The following FBLN7 variants were observed in gnomAD, a reference collection of about 807,000 sequenced individuals.
FBLN7 encodes the protein fibulin 7.
A neutral mutation model predicts 44.0 loss-of-function variants in FBLN7; 31 were observed. The ratio of observed to expected loss-of-function variants is 0.70; its 90% CI spans 0.53 to 0.95. The LOEUF (loss-of-function observed/expected upper bound fraction) is 0.95. Ranked by LOEUF, FBLN7 falls within the 40% of genes least tolerant of loss-of-function variation. The pLI is 0.00. For missense variants in FBLN7, 573 were observed against 618.5 expected, an observed-to-expected ratio of 0.93 and a Z score of 0.78; for synonymous variants, 262 against 253.4, an observed-to-expected ratio of 1.03 and a Z score of -0.32.
the FBLN7 span, among the ~76,000 whole-genome samples, chr2:112,237,141 T>C: frequency 6.6e-6 from 1 of 152,190 alleles, no homozygotes; most frequent in African/African-American, 2.4e-5. Context: ...ACTGGCATGA[T>C]AGTGATCAGT....
the FBLN7 span, among the ~76,000 whole-genome samples, chr2:112,238,938 T>C: frequency 1.3e-5 from 2 of 152,244 alleles, no homozygotes; most frequent in African/African-American, 2.4e-5. Context: ...CAATAATTTA[T>C]CATTTTGTAA....
chr2:112,192,850 C>T (rs765980385), downstream of FBLN7, among the ~76,000 whole-genome samples: 2 of 152,134 alleles, frequency 1.3e-5, no homozygotes, highest in Non-Finnish European at 2.9e-5. Context: ...ATGTCTAGTG[C>T]GTTCCAGGCA....
intron 1 of FBLN7, chr2:112,152,102 G>A (rs1681186833): frequency 6.6e-6 from 1 of 152,258 alleles, no homozygotes. Context: ...GAGGATGAAT[G>A]AGGCAGGACT....
chr2:112,172,627 CTT>C (rs35062438), intron 3 of FBLN7, among the ~76,000 whole-genome samples: 21 of 88,124 alleles, frequency 2.4e-4, no homozygotes, highest in Middle Eastern at 0.012. Context: ...CTTTTTCTTT[CTT>C]TTTTTTTTTT....
chr2:112,202,853 C>G, the FBLN7 span, among the ~76,000 whole-genome samples: 24 of 152,220 alleles, frequency 1.6e-4, no homozygotes, highest in African/African-American at 5.8e-4. Flanking sequence ...ACTCCACCCC[C>G]CACTAAAATT....
At chr2:112,230,869 A>G in the FBLN7 span, 1 of 1,270,446 alleles carries the variant, frequency 7.9e-7, no homozygotes, top group African/African-American at 1.6e-5. Context: ...TGTTCAGACA[A>G]GAAAAAAAGA....
the FBLN7 span, chr2:112,215,257 A>C: frequency 5.3e-5 from 8 of 152,220 alleles, no homozygotes; most frequent in Non-Finnish European, 1.2e-4. Context: ...TATGAGACTT[A>C]AATAAGAAGT....
the FBLN7 span, chr2:112,215,229 T>G: frequency 6.6e-6 from 1 of 152,300 alleles, no homozygotes; most frequent in Admixed American, 6.5e-5. Flanking sequence ...AATTGCATTA[T>G]CCACTGTATA....
rs368410648 is a variant in FBLN7 at position 112,185,298 on chromosome 2, C to T, written c.906C>T (p.Pro302=). Residue 302 remains proline, a synonymous_variant, in exon 7 of 8, where the codon CCC becomes CCT. Coordinates refer to ENST00000331203, the MANE Select transcript of FBLN7 (RefSeq NM_153214.3). The part of the protein sequence containing the change: ...GSFQCVSPEC[P]EGSGNVSYVK... Reference sequence around the variant, plus strand: ...TCCAGTGTGTCAGCCCTGAGTGCCCCGAGGGCAGCGGCAATGTGAGCTACG... The same window carrying T: ...TCCAGTGTGTCAGCCCTGAGTGCCCTGAGGGCAGCGGCAATGTGAGCTACG... 23 of 1,613,740 alleles carry T rather than the reference C, an allele frequency of 1.4e-5. No homozygotes were observed. Among genetic ancestry groups the T allele is most frequent in the African/African-American group, 2.7e-5 (2 of 74,870 alleles).
the FBLN7 span, among the ~76,000 whole-genome samples, chr2:112,202,852 C>T: frequency 6.6e-6 from 1 of 152,128 alleles, no homozygotes; most frequent in Non-Finnish European, 1.5e-5. Flanking sequence ...AACTCCACCC[C>T]CCACTAAAAT....
At chr2:112,166,687 G>A (rs1179861398) in intron 3 of FBLN7, among the ~76,000 whole-genome samples, 1 of 152,240 alleles carries the variant, frequency 6.6e-6, no homozygotes, top group Non-Finnish European at 1.5e-5. Context: ...CATGGCGGGG[G>A]AGATGGGTAC....
intron 2 of FBLN7, among the ~76,000 whole-genome samples, chr2:112,160,800 G>GCACA (rs1558880499): frequency 2.6e-5 from 3 of 117,392 alleles, no homozygotes; most frequent in Admixed American, 8.5e-5. Flanking sequence ...ACGCACACAC[G>GCACA]CACGCACACA....
the FBLN7 span, among the ~76,000 whole-genome samples, chr2:112,239,579 C>CTTTTT: frequency 3.9e-3 from 333 of 86,462 alleles, 5 homozygotes; most frequent in African/African-American, 7.6e-3. Context: ...TAACAGTTTA[C>CTTTTT]TTTTTTTTTT....
chr2:112,198,737 G>C, the FBLN7 span, among the ~76,000 whole-genome samples: 1 of 152,308 alleles, frequency 6.6e-6, no homozygotes, highest in South Asian at 2.1e-4. Context: ...TATGGGTCAT[G>C]AAACAGGTCC....
At chr2:112,163,630 C>T (rs1053339910) in intron 2 of FBLN7, among the ~76,000 whole-genome samples, 3 of 152,206 alleles carry the variant, frequency 2.0e-5, no homozygotes, top group African/African-American at 7.2e-5. Flanking sequence ...AACCATGTCC[C>T]TCATGCTCAG....
chr2:112,230,047 T>C, the FBLN7 span, among the ~76,000 whole-genome samples: 1 of 151,466 alleles, frequency 6.6e-6, no homozygotes, highest in South Asian at 2.1e-4. Context: ...AATCAATGTA[T>C]AAAGGACAAT....
At chr2:112,157,890 G>T (rs907745474) in intron 1 of FBLN7, among the ~76,000 whole-genome samples, 19 of 151,346 alleles carry the variant, frequency 1.3e-4, no homozygotes, top group African/African-American at 4.6e-4. Context: ...AGCCTGTCCT[G>T]GTTCTTTGGT....
At chr2:112,208,719 G>A in the FBLN7 span, among the ~76,000 whole-genome samples, 1 of 152,078 alleles carries the variant, frequency 6.6e-6, no homozygotes, top group Admixed American at 6.6e-5. Context: ...ATCTTATACA[G>A]TCTGATAGTT....
the FBLN7 span, among the ~76,000 whole-genome samples, chr2:112,227,225 G>A: frequency 6.6e-6 from 1 of 152,192 alleles, no homozygotes; most frequent in African/African-American, 2.4e-5. Context: ...GCATTAGAAA[G>A]GTTAGAAAGG....
Sources: allele counts gnomAD v4.1 joint callset (sites outside exome capture counted in the v4.1 genomes callset), GRCh38; gene constraint gnomAD v4.1.1; transcripts MANE v1.5; gene names NCBI Gene and HGNC (gene_info 2026-07-23, HGNC 2026-07-21).